The following PPP6C variants were observed in gnomAD, a reference collection of about 807,000 sequenced individuals.
PPP6C encodes the protein serine/threonine-protein phosphatase 6 catalytic subunit.
In PPP6C, 11 loss-of-function variants were observed where a neutral mutation model predicts 39.8. The observed-to-expected ratio is 0.28, with a 90% CI of 0.17 to 0.46. The LOEUF is 0.46. PPP6C is among the 20% of genes least tolerant of loss of function. The pLI is 1.00. For missense variants in PPP6C, 211 were observed against 373.9 expected (o/e 0.56, Z 3.59); for synonymous variants, 129 against 130.3 (o/e 0.99, Z 0.07).
chr9:125,173,404 CAAAAAAAAAAAA>C (rs1157793278), intron 1 of PPP6C, among the ~76,000 whole-genome samples: 3 of 50,750 alleles, frequency 5.9e-5, no homozygotes, highest in Admixed American at 2.9e-4. Flanking sequence ...GACTCCCTCT[CAAAAAAAAAAAA>C]AAAAAAAAAA....
At chr9:125,188,838 G>C in intron 1 of PPP6C, 4 of 661,646 alleles carry the variant, frequency 6.0e-6, no homozygotes, top group Non-Finnish European at 8.7e-6. Context: ...TTTTAAAAAA[G>C]AAAAGCAGTA....
chr9:125,186,744 T>TCC (rs1360087801), intron 1 of PPP6C, among the ~76,000 whole-genome samples: 1 of 150,186 alleles, frequency 6.7e-6, no homozygotes, highest in African/African-American at 2.5e-5. Context: ...TGAGACCATG[T>TCC]CCCCGCTCCC....
intron 1 of PPP6C, among the ~76,000 whole-genome samples, chr9:125,189,209 C>T (rs921902485): frequency 4.6e-5 from 7 of 152,232 alleles, no homozygotes; most frequent in Admixed American, 4.6e-4. Flanking sequence ...GTTCCGGTAG[C>T]CGGTGGCATC....
At chr9:125,170,655 T>C (rs534530115) in intron 2 of PPP6C, among the ~76,000 whole-genome samples, 3 of 152,278 alleles carry the variant, frequency 2.0e-5, no homozygotes, top group South Asian at 4.1e-4. Context: ...TTCTGTACCT[T>C]TGCTATTCTC....
At chr9:125,157,272 C>T (rs1032010059) in intron 4 of PPP6C, among the ~76,000 whole-genome samples, 14 of 151,940 alleles carry the variant, frequency 9.2e-5, no homozygotes, top group African/African-American at 2.9e-4. Context: ...TGAGCCACTG[C>T]GCCTGGCCTA....
intron 1 of PPP6C, among the ~76,000 whole-genome samples, chr9:125,183,194 T>C (rs1053594119): frequency 5.9e-5 from 9 of 152,114 alleles, no homozygotes; most frequent in Admixed American, 3.3e-4. Context: ...AACAATCACT[T>C]ATCATTGCCT....
intron 4 of PPP6C, among the ~76,000 whole-genome samples, chr9:125,154,818 C>CA (rs1371116820): frequency 6.6e-6 from 1 of 152,196 alleles, no homozygotes; most frequent in Non-Finnish European, 1.5e-5. Flanking sequence ...ACTTGAGCTT[C>CA]AGTGGATCAA....
chr9:125,170,150 A>G (rs1397876707), intron 2 of PPP6C, among the ~76,000 whole-genome samples: 1 of 152,182 alleles, frequency 6.6e-6, no homozygotes, highest in Non-Finnish European at 1.5e-5. Context: ...TTCATTTCCC[A>G]GTGAAAAAAT....
chr9:125,178,323 G>T (rs569065938), intron 1 of PPP6C, among the ~76,000 whole-genome samples: 1 of 152,142 alleles, frequency 6.6e-6, no homozygotes, highest in Non-Finnish European at 1.5e-5. Context: ...GGTACTGTTG[G>T]TGTTCTGGAT....
chr9:125,150,047 A>G, intron 6 of PPP6C, 126 bp from the exon 7 acceptor site: 1 of 1,232,198 alleles, frequency 8.1e-7, no homozygotes, highest in African/African-American at 1.5e-5. Context: ...GCACTCTATA[A>G]TTATCTCCAA....
At chr9:125,187,025 C>A (rs1231833274) in intron 1 of PPP6C, among the ~76,000 whole-genome samples, 1 of 144,302 alleles carries the variant, frequency 6.9e-6, no homozygotes, top group African/African-American at 2.6e-5. Flanking sequence ...TGGCTCACTG[C>A]AACCTCCGCC....
intron 1 of PPP6C, among the ~76,000 whole-genome samples, chr9:125,174,089 A>C (rs1394145801): frequency 6.6e-6 from 1 of 152,210 alleles, no homozygotes; most frequent in Non-Finnish European, 1.5e-5. Flanking sequence ...CTCAGGTGGA[A>C]CCTTCCTTCC....
chr9:125,184,477 A>G (rs1202765387), intron 1 of PPP6C, among the ~76,000 whole-genome samples: 1 of 151,956 alleles, frequency 6.6e-6, no homozygotes, highest in Non-Finnish European at 1.5e-5. Context: ...GGATCAATTG[A>G]GCCCAGGAGT....
chr9:125,164,735 C>A (rs1216478803), intron 2 of PPP6C, among the ~76,000 whole-genome samples: 1 of 152,120 alleles, frequency 6.6e-6, no homozygotes, highest in Non-Finnish European at 1.5e-5. Flanking sequence ...CTTTACCCAG[C>A]CTGGGAAGTG....
At chr9:125,164,316 T>C (rs1828965422) in intron 2 of PPP6C, among the ~76,000 whole-genome samples, 1 of 142,090 alleles carries the variant, frequency 7.0e-6, no homozygotes, top group South Asian at 2.4e-4. Flanking sequence ...TGCCTCTGGC[T>C]CCTGGGTTCA....
chr9:125,180,570 G>A (rs1175219375), intron 1 of PPP6C, among the ~76,000 whole-genome samples: 1 of 152,120 alleles, frequency 6.6e-6, no homozygotes, highest in East Asian at 1.9e-4. Flanking sequence ...TACGGCACAC[G>A]CCACCATGCC....
chr9:125,173,039 G>A (rs1829209889), intron 1 of PPP6C, among the ~76,000 whole-genome samples: 1 of 152,154 alleles, frequency 6.6e-6, no homozygotes, highest in Non-Finnish European at 1.5e-5. Flanking sequence ...CATTTTGGGA[G>A]GCCAAAGTGG....
At chr9:125,167,962 T>G (rs1829063024) in intron 2 of PPP6C, among the ~76,000 whole-genome samples, 1 of 151,954 alleles carries the variant, frequency 6.6e-6, no homozygotes, top group Non-Finnish European at 1.5e-5. Context: ...GCCAGACTTT[T>G]CAAATAATGG....
At chr9:125,162,387 G>A (rs1018785620) in intron 2 of PPP6C, among the ~76,000 whole-genome samples, 4 of 149,808 alleles carry the variant, frequency 2.7e-5, no homozygotes, top group Non-Finnish European at 4.4e-5. Flanking sequence ...GAGCCCAGGA[G>A]GTAGAGGTTG....
Sources: allele counts gnomAD v4.1 joint callset (sites outside exome capture counted in the v4.1 genomes callset), GRCh38; gene constraint gnomAD v4.1.1; transcripts MANE v1.5; gene names NCBI Gene and HGNC (gene_info 2026-07-23, HGNC 2026-07-21).